Variants in ACSL4 observed in about 807,000 individuals in gnomAD.
ACSL4 encodes the protein acyl-CoA synthetase long chain family member 4.
In ACSL4, 9 loss-of-function variants were observed where a neutral mutation model predicts 49.1. The ratio of observed to expected loss-of-function variants is 0.18; its 90% CI spans 0.11 to 0.32. The LOEUF (loss-of-function observed/expected upper bound fraction) is 0.32. Among genes scored for constraint, ACSL4 ranks in the 10% least tolerant of loss-of-function variants. ACSL4 has a pLI of 1.00. For missense variants in ACSL4, 333 were observed against 493.7 expected, an observed-to-expected ratio of 0.67 and a Z score of 3.08; for synonymous variants, 191 against 170.3, an observed-to-expected ratio of 1.12 and a Z score of -0.95.
intron 1 of ACSL4, among the ~76,000 whole-genome samples, chrX:109,725,061 G>GT (rs1214578879): frequency 9.3e-5 from 10 of 107,893 alleles, no homozygotes; most frequent in Middle Eastern, 4.7e-3. Context: ...CTGACCTGGG[G>GT]TTTTTTTTGT....
chrX:109,677,153 G>A (rs1366306818), intron 8 of ACSL4, among the ~76,000 whole-genome samples: 1 of 109,531 alleles, frequency 9.1e-6, no homozygotes, highest in African/African-American at 3.3e-5. Context: ...TAGTAGAGAC[G>A]GGGTTTCACC....
chrX:109,678,523 G>T, intron 6 of ACSL4, 108 bp from the exon 7 acceptor site: 1 of 988,491 alleles, frequency 1.0e-6, no homozygotes, highest in Non-Finnish European at 1.4e-6. Flanking sequence ...TCAATAGACA[G>T]TATTTGCTTT....
Position 109,695,317 on chromosome X carries a change from T to C in ACSL4, c.-13+827A>G, listed in dbSNP as rs138946083. On this transcript the variant is annotated intron_variant, in intron 2 of 15. Transcript: ENST00000672401. Reference sequence around the variant, plus strand: ...CCGAGATCACACCACTGCACTCCAGTCTGGGTGACAGAGCAAGACTCCATC... The same window carrying C: ...CCGAGATCACACCACTGCACTCCAGCCTGGGTGACAGAGCAAGACTCCATC... Among the ~76,000 whole-genome samples, 871 of 105,306 alleles carry C rather than the reference T, an allele frequency of 8.3e-3. 7 individuals are homozygous for C. Among genetic ancestry groups the C allele is most frequent in the African/African-American group, 0.028 (814 of 29,155 alleles). 91.4% of individuals were successfully genotyped at this position (105,306 alleles called of 115,157 possible). A position where few individuals can be genotyped will look rare whatever the true frequency, so the allele number is the denominator to read the frequency against.
At chrX:109,716,334 C>T (rs1484943172) in intron 1 of ACSL4, among the ~76,000 whole-genome samples, 2 of 112,170 alleles carry the variant, frequency 1.8e-5, no homozygotes, top group African/African-American at 3.2e-5. Context: ...CTGGAATTAA[C>T]CAGTTATACC....
chrX:109,708,547 C>T (rs1358009200), intron 1 of ACSL4, among the ~76,000 whole-genome samples: 3 of 112,050 alleles, frequency 2.7e-5, no homozygotes. Context: ...TCTTCTTTTG[C>T]TCATGTAATA....
chrX:109,717,495 T>C (rs762886733), intron 1 of ACSL4, among the ~76,000 whole-genome samples: 1 of 110,111 alleles, frequency 9.1e-6, no homozygotes, highest in East Asian at 2.9e-4. Context: ...AAACTCCATC[T>C]CAAAACAAAA....
At chrX:109,708,005 T>G (rs1472729332) in intron 1 of ACSL4, among the ~76,000 whole-genome samples, 1 of 111,682 alleles carries the variant, frequency 9.0e-6, no homozygotes, top group East Asian at 2.8e-4. Context: ...AATCCAGTGG[T>G]GCAATCTTGG....
intron 2 of ACSL4, among the ~76,000 whole-genome samples, chrX:109,687,115 C>T (rs972351909): frequency 1.8e-5 from 2 of 111,843 alleles, no homozygotes; most frequent in Non-Finnish European, 3.8e-5. Flanking sequence ...AAATCGAGCA[C>T]CCAGTGCTCT....
At chrX:109,695,640 G>C (rs1284334469) in intron 2 of ACSL4, 2 of 110,876 alleles carry the variant, frequency 1.8e-5, no homozygotes, top group African/African-American at 6.6e-5. Flanking sequence ...GGAGGTTGCA[G>C]TGAGCTGAGA....
At chrX:109,686,855 A>G (rs979653654) in intron 2 of ACSL4, among the ~76,000 whole-genome samples, 1 of 110,889 alleles carries the variant, frequency 9.0e-6, no homozygotes, top group Admixed American at 9.6e-5. Context: ...CAGAGAGATC[A>G]TTTAGTCTAG....
intron 15 of ACSL4, among the ~76,000 whole-genome samples, chrX:109,650,763 C>G (rs915590789): frequency 1.8e-5 from 2 of 111,960 alleles, no homozygotes; most frequent in African/African-American, 6.5e-5. Flanking sequence ...GTAGTTATCA[C>G]CACCCAACAT....
In ACSL4 at chrX:109,707,288, A is replaced by C. The variant is rs951084923; in HGVS notation, c.-65-11092T>G. 2.7e-5 allele frequency among the ~76,000 whole-genome samples: 3 copies of C among 111,990 alleles called. No homozygotes were observed. In the South Asian group the frequency reaches 1.1e-3, roughly 41 times the overall value. ...ATAGCAATGCACTGGGGGTCCATAA[A>C]AACTAGTGCCAATTAAGAATAAAGA... On this transcript the variant is annotated intron_variant, in intron 1 of 15. Transcript: ENST00000672401.
intron 1 of ACSL4, among the ~76,000 whole-genome samples, chrX:109,717,036 C>A (rs1927169066): frequency 8.9e-6 from 1 of 112,056 alleles, no homozygotes; most frequent in Non-Finnish European, 1.9e-5. Flanking sequence ...GAAGCATCTG[C>A]AACCAATATG....
At chrX:109,701,088 T>C (rs962019606) in intron 1 of ACSL4, among the ~76,000 whole-genome samples, 15 of 111,984 alleles carry the variant, frequency 1.3e-4, no homozygotes, top group African/African-American at 4.9e-4. Context: ...ATAAAAATAT[T>C]CAAACATTAC....
intron 1 of ACSL4, among the ~76,000 whole-genome samples, chrX:109,704,453 T>A: frequency 9.0e-6 from 1 of 111,662 alleles, no homozygotes; most frequent in Non-Finnish European, 1.9e-5. Context: ...TTCTCCCCCA[T>A]GATTAGTATG....
chrX:109,708,977 T>G (rs756597903), intron 1 of ACSL4, among the ~76,000 whole-genome samples: 12 of 112,030 alleles, frequency 1.1e-4, no homozygotes, highest in African/African-American at 3.9e-4. Flanking sequence ...TCTGCACAGA[T>G]GAAAGTATAA....
chrX:109,672,651 T>A lies in ACSL4; in HGVS notation c.1002+1751A>T, dbSNP rs184570532. Among the ~76,000 whole-genome samples, 801 of 110,492 alleles carry A rather than the reference T, an allele frequency of 7.2e-3. 7 individuals carry two copies. Among genetic ancestry groups the A allele is most frequent in the African/African-American group, 0.019 (570 of 30,334 alleles). On this transcript the variant is annotated intron_variant, in intron 9 of 15. Coordinates refer to ENST00000672401, the MANE Select transcript of ACSL4 (RefSeq NM_001318510.2). ...TCTCAATAAAGAGTTGTTTTTTTTT[T>A]AAATGGCCTATTTCTGGAGAAACAG...
At chrX:109,651,741 C>T (rs1271488733) in intron 15 of ACSL4, among the ~76,000 whole-genome samples, 2 of 111,841 alleles carry the variant, frequency 1.8e-5, no homozygotes. Flanking sequence ...GAAACACTGA[C>T]AAAATTGGGA....
intron 1 of ACSL4, among the ~76,000 whole-genome samples, chrX:109,703,955 A>G (rs935685803): frequency 9.0e-6 from 1 of 111,356 alleles, no homozygotes; most frequent in African/African-American, 3.3e-5. Flanking sequence ...AATTTCTTAG[A>G]CATATTAGAT....
Sources: gnomAD v4.1 joint callset for allele counts (sites outside exome capture counted in the v4.1 genomes callset) on GRCh38, gnomAD v4.1.1 for gene constraint, MANE v1.5 for transcripts, NCBI Gene and HGNC (gene_info 2026-07-23, HGNC 2026-07-21) for gene names.